Variants in MARCHF1 observed in about 807,000 individuals in gnomAD.
The protein encoded by MARCHF1 is E3 ubiquitin-protein ligase MARCHF1.
MARCHF1 carries 40 observed loss-of-function variants against 54.2 expected under a neutral mutation model. That is an observed-to-expected ratio of 0.74 (90% confidence interval 0.57 to 0.96). The LOEUF is 0.96. Ranked by LOEUF, MARCHF1 falls within the 40% of genes least tolerant of loss-of-function variation. The probability of loss-of-function intolerance (pLI) is 0.00; values close to 1 mark genes in which losing one functional copy is unlikely to be tolerated. For synonymous variants in MARCHF1, 236 were observed against 236.3 expected (o/e 1.00, Z 0.01); for missense variants, 586 against 656.5 (o/e 0.89, Z 1.17).
chr4:163,635,816 C>A (rs1312937711), intron 5 of MARCHF1, among the ~76,000 whole-genome samples: 1 of 152,116 alleles, frequency 6.6e-6, no homozygotes, highest in Admixed American at 6.5e-5. Flanking sequence ...GACCAATATC[C>A]CTGATGAACA....
chr4:164,192,174 G>A (rs1384576633), intron 1 of MARCHF1, among the ~76,000 whole-genome samples: 1 of 152,100 alleles, frequency 6.6e-6, no homozygotes, highest in Admixed American at 6.5e-5. Context: ...ATCTTAATTT[G>A]TAAATAGCTA....
chr4:164,101,800 C>T lies in MARCHF1; in HGVS notation c.-248+9788G>A, dbSNP rs540880160. Among the ~76,000 whole-genome samples, 894 of 149,608 alleles carry T rather than the reference C, an allele frequency of 6.0e-3. 10 individuals are homozygous for T. The highest frequency in any genetic ancestry group is 8.3e-3 in the Non-Finnish European group (557 of 66,966). ...CGAGCTGAGAGAAGAAGGCTTCAGA[C>T]GATCAAATTACTCTGAGCTACGGGA... On this transcript the variant is annotated intron_variant, in intron 2 of 9. Coordinates refer to ENST00000514618, the MANE Select transcript of MARCHF1 (RefSeq NM_001394959.1).
intron 1 of MARCHF1, among the ~76,000 whole-genome samples, chr4:164,184,125 T>C (rs1239012495): frequency 6.6e-6 from 1 of 152,108 alleles, no homozygotes. Context: ...CAGATATAGG[T>C]ATTGCTCGAT....
chr4:164,331,950 T>C (rs1428684270), intron 1 of MARCHF1, among the ~76,000 whole-genome samples: 2 of 152,198 alleles, frequency 1.3e-5, no homozygotes, highest in Non-Finnish European at 2.9e-5. Flanking sequence ...GTTTTGTTCA[T>C]TAGAAATATG....
intron 1 of MARCHF1, among the ~76,000 whole-genome samples, chr4:164,346,778 A>G (rs1259377465): frequency 1.3e-5 from 2 of 151,594 alleles, no homozygotes; most frequent in African/African-American, 4.9e-5. Context: ...TAGCATGAGT[A>G]TCAGGTAGTA....
At chr4:164,052,148 T>TA (rs1754384456) in intron 2 of MARCHF1, among the ~76,000 whole-genome samples, 1 of 34,306 alleles carries the variant, frequency 2.9e-5, no homozygotes, top group Non-Finnish European at 8.0e-5. Flanking sequence ...TTTTTTTTTG[T>TA]TTTTTTTGTA....
chr4:164,146,839 A>G (rs1016453138), intron 1 of MARCHF1, among the ~76,000 whole-genome samples: 1 of 151,824 alleles, frequency 6.6e-6, no homozygotes, highest in African/African-American at 2.4e-5. Flanking sequence ...TAATTAAACT[A>G]AAGAGCTTCT....
rs1290190209 is a variant in MARCHF1, at chr4:163,733,193, A to G, written c.112-32330T>C. 1.6e-3 allele frequency among the ~76,000 whole-genome samples: 35 copies of G among 21,782 alleles called. 1 individual carries two copies. Among genetic ancestry groups the G allele is most frequent in the African/African-American group, 4.3e-3 (29 of 6,784 alleles). 14.3% of individuals were successfully genotyped at this position (21,782 alleles called of 152,430 possible). ...TGTATGTGTGTATATATATATATAT[A>G]TATATATATATATATATATATATAT... is the stretch of plus-strand genomic sequence containing the variant. On this transcript the variant is annotated intron_variant, in intron 4 of 9. Coordinates refer to ENST00000514618, the MANE Select transcript of MARCHF1 (RefSeq NM_001394959.1).
intron 5 of MARCHF1, among the ~76,000 whole-genome samples, chr4:163,627,855 T>C (rs1234891206): frequency 6.6e-6 from 1 of 151,762 alleles, no homozygotes; most frequent in African/African-American, 2.4e-5. Context: ...TTTTTTAAGA[T>C]GGTGCTAGAA....
chr4:164,288,071 G>A (rs1734194721), intron 1 of MARCHF1, among the ~76,000 whole-genome samples: 2 of 152,094 alleles, frequency 1.3e-5, no homozygotes, highest in Admixed American at 6.6e-5. Context: ...GGTGTGGGGA[G>A]CACACAAAAA....
At chr4:163,845,890 G>A (rs540289597) in intron 4 of MARCHF1, among the ~76,000 whole-genome samples, 1 of 152,270 alleles carries the variant, frequency 6.6e-6, no homozygotes, top group African/African-American at 2.4e-5. Flanking sequence ...CTCATGGTGT[G>A]AAGTTTAAAG....
intron 4 of MARCHF1, among the ~76,000 whole-genome samples, chr4:163,724,087 G>T (rs910640170): frequency 6.6e-6 from 1 of 152,286 alleles, no homozygotes; most frequent in East Asian, 1.9e-4. Flanking sequence ...TCCTTTGGAG[G>T]GGGAGAGGTA....
chr4:163,965,000 G>A (rs1391688758), intron 3 of MARCHF1, among the ~76,000 whole-genome samples: 1 of 151,920 alleles, frequency 6.6e-6, no homozygotes, highest in Non-Finnish European at 1.5e-5. Context: ...GTTTTGCTAT[G>A]ACATTGCATG....
At chr4:163,595,239 G>A (rs569537847) in intron 7 of MARCHF1, among the ~76,000 whole-genome samples, 133 of 150,462 alleles carry the variant, frequency 8.8e-4, no homozygotes, top group African/African-American at 2.9e-3. Context: ...ATAAGCCAGT[G>A]AGTGGCTCAT....
intron 5 of MARCHF1, among the ~76,000 whole-genome samples, chr4:163,640,672 G>T (rs1398910840): frequency 6.6e-6 from 1 of 152,104 alleles, no homozygotes; most frequent in Non-Finnish European, 1.5e-5. Flanking sequence ...TTAGCAGCCT[G>T]ATCTGTTCTA....
intron 4 of MARCHF1, among the ~76,000 whole-genome samples, chr4:163,789,502 T>C (rs1346199241): frequency 6.6e-6 from 1 of 151,918 alleles, no homozygotes; most frequent in African/African-American, 2.4e-5. Context: ...CTTAAAAGTC[T>C]TTTTAAAAAA....
chr4:163,587,265 G>C (rs1196018661), intron 7 of MARCHF1, among the ~76,000 whole-genome samples: 1 of 152,112 alleles, frequency 6.6e-6, no homozygotes, highest in Admixed American at 6.6e-5. Context: ...GTTAGACATG[G>C]CTAATAAATT....
intron 5 of MARCHF1, among the ~76,000 whole-genome samples, chr4:163,652,363 G>A (rs1319540454): frequency 2.0e-5 from 3 of 151,774 alleles, no homozygotes; most frequent in Admixed American, 6.6e-5. Context: ...TCTTTGTGAT[G>A]TCATCTACGA....
intron 1 of MARCHF1, among the ~76,000 whole-genome samples, chr4:164,216,458 AG>A (rs1731932422): frequency 6.6e-6 from 1 of 152,218 alleles, no homozygotes; most frequent in African/African-American, 2.4e-5. Context: ...TGTGCTAATA[AG>A]GAAAGAAAAG....
Sources: gnomAD v4.1 joint callset for allele counts (sites outside exome capture counted in the v4.1 genomes callset) on GRCh38, gnomAD v4.1.1 for gene constraint, MANE v1.5 for transcripts, NCBI Gene and HGNC (gene_info 2026-07-23, HGNC 2026-07-21) for gene names.